FAM118B: variants seen among roughly 807,000 people sequenced by gnomAD.
FAM118B encodes the protein SIR2 antiphage like 1.
Under a neutral mutation model 38.5 loss-of-function variants are expected in FAM118B, and 24 were observed. The observed-to-expected ratio is 0.62, with a 90% confidence interval of 0.45 to 0.88. The LOEUF (loss-of-function observed/expected upper bound fraction) is 0.88, where lower values mean the gene tolerates loss of function less well. Ranked by LOEUF, FAM118B falls within the 40% of genes least tolerant of loss-of-function variation. The pLI is 0.00. For missense variants in FAM118B, 334 were observed against 420.0 expected (o/e 0.80, Z 1.79); for synonymous variants, 138 against 156.3 (o/e 0.88, Z 0.87).
chr11:126,261,685 GTTAA>G (rs566870442), intron 8 of FAM118B, among the ~76,000 whole-genome samples: 4 of 152,174 alleles, frequency 2.6e-5, no homozygotes, highest in Non-Finnish European at 5.9e-5. Context: ...GCAGTGATCA[GTTAA>G]TTTTTTGAAA....
chr11:126,212,932 A>G (rs1949908443), intron 1 of FAM118B, among the ~76,000 whole-genome samples: 1 of 152,148 alleles, frequency 6.6e-6, no homozygotes, highest in African/African-American at 2.4e-5. Flanking sequence ...TGAATGCAGG[A>G]CAGATGGGGA....
rs199692306 is a variant in FAM118B, at chr11:126,240,963, G to A, written c.258G>A (p.Glu86=). The A allele has an allele frequency of 1.2e-5, 19 of 1,614,056 alleles. No individual in the cohort carries two copies. In the African/African-American group the frequency reaches 2.3e-4, roughly 19 times the overall value. ...AIDFDLLEDE[E]SKKFQKCLHE... Reference sequence around the variant, plus strand: ...ATTTTGATCTTTTAGAAGATGAGGAGAGCAAAAAGTTTCAGAAATGTCTCC... The same window carrying A: ...ATTTTGATCTTTTAGAAGATGAGGAAAGCAAAAAGTTTCAGAAATGTCTCC... The change falls in exon 4 of 9, where the codon GAG becomes GAA. Residue 86 remains glutamate (E), a synonymous_variant. Coordinates refer to ENST00000533050, the MANE Select transcript of FAM118B (RefSeq NM_024556.4).
chr11:126,214,204 T>C (rs1949932775), intron 1 of FAM118B: 2 of 147,196 alleles, frequency 1.4e-5, no homozygotes, highest in African/African-American at 5.1e-5. Flanking sequence ...AAAAAAAAAA[T>C]TAGCCAGGCG....
In FAM118B at chr11:126,223,371, G is replaced by A. The variant is rs558125552; in HGVS notation, c.-76-5854G>A. Among the ~76,000 whole-genome samples the A allele has an allele frequency of 6.6e-5, 10 of 152,004 alleles. No individual in the cohort carries two copies. The East Asian group carries it at 1.6e-3, about 24-fold the overall frequency. On this transcript the variant is annotated intron_variant, in intron 1 of 8. Transcript: ENST00000533050. ...ATCCCAGCACTTTGGGAGCTGAGGC[G>A]GGCAGATCACGAGTCAGGAGATCAA...
intron 1 of FAM118B, among the ~76,000 whole-genome samples, chr11:126,221,946 C>G (rs1293331241): frequency 6.6e-6 from 1 of 152,060 alleles, no homozygotes; most frequent in Non-Finnish European, 1.5e-5. Flanking sequence ...GTACCTCATC[C>G]AGGCATGTGA....
At chr11:126,223,275 A>G (rs187658529) in intron 1 of FAM118B, among the ~76,000 whole-genome samples, 23 of 152,326 alleles carry the variant, frequency 1.5e-4, no homozygotes, top group African/African-American at 5.3e-4. Context: ...GAATGATTCA[A>G]ACATGACTTA....
intron 1 of FAM118B, among the ~76,000 whole-genome samples, chr11:126,223,600 AT>A (rs1199224483): frequency 6.6e-6 from 1 of 151,834 alleles, no homozygotes; most frequent in South Asian, 2.1e-4. Context: ...AAAAAAAAAA[AT>A]CTTTTGCTGC....
chr11:126,259,894 G>C (rs1035694621), intron 7 of FAM118B, among the ~76,000 whole-genome samples: 1 of 150,002 alleles, frequency 6.7e-6, no homozygotes, highest in African/African-American at 2.5e-5. Context: ...CTAATTTTTT[G>C]TATTTTTAGT....
At chr11:126,222,873 C>A (rs1040397253) in intron 1 of FAM118B, among the ~76,000 whole-genome samples, 1 of 152,150 alleles carries the variant, frequency 6.6e-6, no homozygotes, top group Non-Finnish European at 1.5e-5. Flanking sequence ...ACACTGTACT[C>A]GCCCTAGAAG....
Position 126,253,373 on chromosome 11 carries a change from T to C in FAM118B, c.568-932T>C, listed in dbSNP as rs1324552070. ...ATTCATAGCCTATTTCTCCAAAATGTGATAAGAATAAATGTATGCTGTCTC... is the reference window on the plus strand; with the variant it reads ...ATTCATAGCCTATTTCTCCAAAATGCGATAAGAATAAATGTATGCTGTCTC... On this transcript the variant is annotated intron_variant, in intron 5 of 8. Transcript: ENST00000533050. The surrounding 1 kb of genome is among the most constrained non-coding windows in gnomAD (Gnocchi z 5.1). 6.6e-6 allele frequency among the ~76,000 whole-genome samples: 1 copy of C among 152,146 alleles called. No individual in the cohort carries two copies. Among genetic ancestry groups the C allele is most frequent in the Admixed American group, 6.5e-5 (1 of 15,268 alleles).
intron 3 of FAM118B, among the ~76,000 whole-genome samples, chr11:126,237,066 G>A (rs1414758352): frequency 3.8e-5 from 5 of 130,834 alleles, no homozygotes; most frequent in Admixed American, 1.5e-4. Context: ...ACAGGCGCCC[G>A]CCACCATGCC....
chr11:126,250,874 T>C lies in FAM118B; in HGVS notation c.567+141T>C. 2 of 626,088 alleles carry C rather than the reference T, an allele frequency of 3.2e-6. No individual in the cohort carries two copies. The highest frequency in any genetic ancestry group is 5.5e-6 in the Non-Finnish European group (2 of 361,610). The allele number at this position is 626,088 out of a possible 1,614,324, so 38.8% of individuals were successfully genotyped here. On this transcript the variant is annotated intron_variant, in intron 5 of 8. Coordinates refer to ENST00000533050, the MANE Select transcript of FAM118B (RefSeq NM_024556.4). The surrounding 1 kb of genome is among the most constrained non-coding windows in gnomAD (Gnocchi z 5.1). ...TCCCTGGTTGGAGTTTTTGTTTTTC[T>C]TTTTTCTTTCTTTTTAAAGATCAAA...
chr11:126,261,158 A>G, intron 7 of FAM118B: 1 of 437,416 alleles, frequency 2.3e-6, no homozygotes, highest in Non-Finnish European at 4.2e-6. Flanking sequence ...TGTATGTGAA[A>G]TGTAAAATGT....
chr11:126,246,768 G>T (rs1374922706), intron 4 of FAM118B, among the ~76,000 whole-genome samples: 1 of 152,064 alleles, frequency 6.6e-6, no homozygotes, highest in African/African-American at 2.4e-5. Flanking sequence ...CTAAGTTTCA[G>T]GGTAGAAGGA....
chr11:126,236,989 T>A (rs1350889474), intron 3 of FAM118B, among the ~76,000 whole-genome samples: 2 of 145,312 alleles, frequency 1.4e-5, no homozygotes, highest in Non-Finnish European at 3.0e-5. Flanking sequence ...CTATCTCGGC[T>A]CATTGCAAGC....
chr11:126,216,243 G>A (rs1473010423), intron 1 of FAM118B, among the ~76,000 whole-genome samples: 1 of 152,044 alleles, frequency 6.6e-6, no homozygotes, highest in East Asian at 1.9e-4. Context: ...GAGCATGGTG[G>A]TGTGTGCCTG....
At chr11:126,224,103 A>G (rs1950105242) in intron 1 of FAM118B, among the ~76,000 whole-genome samples, 2 of 152,214 alleles carry the variant, frequency 1.3e-5, no homozygotes, top group South Asian at 4.1e-4. Context: ...CTTTTAGACT[A>G]TATCCATAAA....
At chr11:126,259,154 A>G (rs1950629645) in intron 7 of FAM118B, among the ~76,000 whole-genome samples, 2 of 152,222 alleles carry the variant, frequency 1.3e-5, no homozygotes, top group African/African-American at 2.4e-5. Flanking sequence ...AAACGAGTCA[A>G]CCTTATCTTT....
chr11:126,217,463 C>G (rs1179534123), intron 1 of FAM118B, among the ~76,000 whole-genome samples: 1 of 152,220 alleles, frequency 6.6e-6, no homozygotes, highest in Non-Finnish European at 1.5e-5. Context: ...GCTGGATGAT[C>G]TATTACAGTG....
Sources: gnomAD v4.1 joint callset for allele counts (sites outside exome capture counted in the v4.1 genomes callset) on GRCh38, gnomAD v4.1.1 for gene constraint, Gnocchi (gnomAD v3.1) non-coding constraint, MANE v1.5 for transcripts, NCBI Gene and HGNC (gene_info 2026-07-23, HGNC 2026-07-21) for gene names.